The following SERINC1 variants were observed in gnomAD, a reference collection of about 807,000 sequenced individuals.
SERINC1 encodes the protein tumor differentially expressed protein 2.
SERINC1 carries 38 observed loss-of-function variants against 52.9 expected under a neutral mutation model. The observed-to-expected ratio is 0.72, with a 90% CI of 0.55 to 0.94. The LOEUF is 0.94. Among genes scored for constraint, SERINC1 ranks in the 40% least tolerant of loss-of-function variants. The pLI, the probability that SERINC1 is intolerant of heterozygous loss-of-function variation, is 0.00. For synonymous variants in SERINC1, 198 were observed against 183.1 expected, an observed-to-expected ratio of 1.08 and a Z score of -0.66; for missense variants, 471 against 533.9, an observed-to-expected ratio of 0.88 and a Z score of 1.16.
chr6:122,471,609 A>C, intron 1 of SERINC1, 90 bp downstream of exon 1: 1 of 1,547,242 alleles, frequency 6.5e-7, no homozygotes, highest in Non-Finnish European at 8.9e-7. Context: ...GGGGCACCAC[A>C]TTCCCGCCGG....
intron 1 of SERINC1, among the ~76,000 whole-genome samples, chr6:122,460,158 C>T (rs1775076039): frequency 6.6e-6 from 1 of 152,170 alleles, no homozygotes; most frequent in Admixed American, 6.5e-5. Context: ...CCTTCCCCCA[C>T]CCACTCCGGG....
rs1214900450 is a variant in SERINC1 at position 122,452,065 on chromosome 6, A to G, written c.590-8T>C. 1.3e-6 allele frequency: 2 copies of G among 1,482,672 alleles called. No homozygotes were observed. Among genetic ancestry groups the G allele is most frequent in the African/African-American group, 2.9e-5 (2 of 68,920 alleles). 91.8% of individuals were successfully genotyped at this position (1,482,672 alleles called of 1,614,324 possible). ...CTGTAGCTGATAACAAGGCTGTGAAAGAAATATAATTGGATAATTAGCTTT... is the reference window on the plus strand; with the variant it reads ...CTGTAGCTGATAACAAGGCTGTGAAGGAAATATAATTGGATAATTAGCTTT... On this transcript the variant is annotated splice_region_variant and splice_polypyrimidine_tract_variant and intron_variant, in intron 5 of 9. Transcript: ENST00000339697.
chr6:122,456,661 A>T lies in SERINC1; in HGVS notation c.202-11T>A. ...ACAAAATCCAGGAATCTAGAAAAAC[A>T]AAAGAGTTTATGATCCATCATTTTT... is the stretch of plus-strand genomic sequence containing the variant. On this transcript the variant is annotated splice_polypyrimidine_tract_variant and intron_variant, in intron 2 of 9. Transcript: ENST00000339697. 6.4e-7 allele frequency: 1 copy of T among 1,560,590 alleles called. No homozygotes were observed.
chr6:122,456,506 C>A lies in SERINC1; in HGVS notation c.346G>T (p.Asp116Tyr). ...LLMIKVKSSS[D>Y]PRAAVHNGFW... ...CCATTGTGCACTGCAGCTCTAGGATCACTGCTACTCTTCACTTTGATCATT... is the reference window on the plus strand; with the variant it reads ...CCATTGTGCACTGCAGCTCTAGGATAACTGCTACTCTTCACTTTGATCATT... The change falls in exon 3 of 10, where the codon GAT becomes TAT. Residue 116 changes from aspartate (D) to tyrosine (Y), a missense_variant. Physicochemically the swap from Asp to Tyr is radical, Grantham distance 160. Coordinates refer to ENST00000339697, the MANE Select transcript of SERINC1 (RefSeq NM_020755.4). 1 of 1,600,744 alleles carries A rather than the reference C, an allele frequency of 6.2e-7. No homozygotes were observed. The highest frequency in any genetic ancestry group is 1.1e-5 in the South Asian group (1 of 87,652).
intron 1 of SERINC1, among the ~76,000 whole-genome samples, chr6:122,466,265 C>T (rs1033440056): frequency 1.3e-5 from 2 of 152,126 alleles, no homozygotes; most frequent in African/African-American, 4.8e-5. Context: ...ACAAAACAGA[C>T]TCTTGGTAAT....
chr6:122,455,420 T>C (rs183112713), intron 3 of SERINC1, among the ~76,000 whole-genome samples: 22 of 151,886 alleles, frequency 1.4e-4, no homozygotes, highest in African/African-American at 5.3e-4. Context: ...GTGAAAAGAC[T>C]AGACTGGCCT....
At chr6:122,451,775 AAAT>A in intron 6 of SERINC1, 21 bp from the exon 7 acceptor site, 4 of 288,184 alleles carry the variant, frequency 1.4e-5, no homozygotes, top group Non-Finnish European at 1.0e-5. Flanking sequence ...AAAAAAAAAA[AAAT>A]ATATATATAT....
intron 5 of SERINC1, among the ~76,000 whole-genome samples, chr6:122,452,576 T>C (rs1015401976): frequency 6.6e-6 from 1 of 152,222 alleles, no homozygotes; most frequent in Non-Finnish European, 1.5e-5. Context: ...AGTCAACCTA[T>C]GCTTTTTCTA....
chr6:122,456,405 G>T, intron 3 of SERINC1, 76 bp downstream of exon 3: 2 of 907,736 alleles, frequency 2.2e-6, no homozygotes, highest in Non-Finnish European at 1.6e-6. Flanking sequence ...TTACCTTAAA[G>T]TTTCCTTGGA....
chr6:122,467,471 T>C (rs924978215), intron 1 of SERINC1, among the ~76,000 whole-genome samples: 3 of 152,094 alleles, frequency 2.0e-5, no homozygotes, highest in Admixed American at 2.0e-4. Flanking sequence ...CTGGGTGTGG[T>C]GGCACATGCC....
intron 2 of SERINC1, among the ~76,000 whole-genome samples, chr6:122,458,178 G>A (rs1200898719): frequency 3.3e-5 from 5 of 152,010 alleles, no homozygotes; most frequent in Non-Finnish European, 1.5e-5. Flanking sequence ...TGCTTGAAAA[G>A]CTCTTTTATA....
rs768125967 is a variant in SERINC1 at position 122,458,519 on chromosome 6, C to A, written c.201+1G>T. 1 of 1,609,012 alleles carries A rather than the reference C, an allele frequency of 6.2e-7. No homozygotes were observed. On this transcript the variant is annotated splice_donor_variant, in intron 2 of 9. Coordinates refer to ENST00000339697, the MANE Select transcript of SERINC1 (RefSeq NM_020755.4). LOFTEE classifies it high-confidence loss of function. ...ATCAATAAATAAGAAACGAGACTAACCTTATTCAGTTGTTCTTCCATTCCT... is the reference window on the plus strand; with the variant it reads ...ATCAATAAATAAGAAACGAGACTAAACTTATTCAGTTGTTCTTCCATTCCT...
At chr6:122,470,075 G>A (rs1298197605) in intron 1 of SERINC1, among the ~76,000 whole-genome samples, 1 of 152,164 alleles carries the variant, frequency 6.6e-6, no homozygotes, top group East Asian at 1.9e-4. Flanking sequence ...TCCAAACTGA[G>A]CACGGTAGCA....
At chr6:122,464,575 T>TTTCTG in intron 1 of SERINC1, among the ~76,000 whole-genome samples, 1 of 152,178 alleles carries the variant, frequency 6.6e-6, no homozygotes, top group Non-Finnish European at 1.5e-5. Flanking sequence ...GAGAAATAAC[T>TTTCTG]ACAAAGTTCT....
At chr6:122,464,643 G>A (rs1236758914) in intron 1 of SERINC1, among the ~76,000 whole-genome samples, 1 of 152,162 alleles carries the variant, frequency 6.6e-6, no homozygotes. Context: ...GAATTTAGCA[G>A]GCACTTTCAA....
Position 122,451,665 on chromosome 6 carries a change from T to C in SERINC1, c.849A>G (p.Pro283=). 2.6e-6 allele frequency: 3 copies of C among 1,136,938 alleles called. No individual in the cohort carries two copies. Among genetic ancestry groups the C allele is most frequent in the South Asian group, 1.5e-5 (1 of 65,936 alleles). The allele number at this position is 1,136,938 out of a possible 1,614,324, so 70.4% of individuals were successfully genotyped here. Residue 283 remains proline (P), a splice_region_variant and synonymous_variant, in exon 7 of 10, where the codon CCA becomes CCG. Coordinates refer to ENST00000339697, the MANE Select transcript of SERINC1 (RefSeq NM_020755.4). ...YLTWSAMTNE[P]ETNCNPSLLS... ...ACATGTAATATAAATAAAACACACC[T>C]GGTTCATTGGTCATAGCTGACCATG... is the stretch of plus-strand genomic sequence containing the variant.
chr6:122,459,580 T>C (rs1433273628), intron 1 of SERINC1, among the ~76,000 whole-genome samples: 1 of 152,130 alleles, frequency 6.6e-6, no homozygotes, highest in Non-Finnish European at 1.5e-5. Flanking sequence ...AAATATACTT[T>C]AGCAAAAGTT....
At chr6:122,462,560 G>A (rs997438237) in intron 1 of SERINC1, among the ~76,000 whole-genome samples, 5 of 151,988 alleles carry the variant, frequency 3.3e-5, no homozygotes, top group Admixed American at 6.6e-5. Context: ...AGTTCAAGGA[G>A]TTCAATGATA....
At chr6:122,470,549 A>T (rs78216508) in intron 1 of SERINC1, among the ~76,000 whole-genome samples, 13,874 of 152,268 alleles carry the variant, frequency 0.091, 754 homozygotes, top group South Asian at 0.14. Flanking sequence ...AAAAGTCAAT[A>T]ATTAAACTCT....
Sources: allele counts gnomAD v4.1 joint callset (sites outside exome capture counted in the v4.1 genomes callset), GRCh38; gene constraint gnomAD v4.1.1; transcripts MANE v1.5; gene names NCBI Gene and HGNC (gene_info 2026-07-23, HGNC 2026-07-21).